Variants in IL1RN observed in about 807,000 individuals in gnomAD.
The protein encoded by IL1RN is interleukin 1 receptor antagonist, also known as interleukin-1 receptor antagonist protein.
In IL1RN, 10 loss-of-function variants were observed where a neutral mutation model predicts 13.7. That is an observed-to-expected ratio of 0.73 (90% CI 0.45 to 1.24). The LOEUF is 1.24. IL1RN is among the 50% of genes most tolerant of loss of function. IL1RN has a pLI of 0.00. For synonymous variants in IL1RN, 102 were observed against 82.7 expected (o/e 1.23, Z -1.27); for missense variants, 213 against 222.1 (o/e 0.96, Z 0.26).
upstream of IL1RN, among the ~76,000 whole-genome samples, chr2:113,125,095 G>T (rs1686910299): frequency 6.6e-6 from 1 of 152,184 alleles, no homozygotes; most frequent in African/African-American, 2.4e-5. Context: ...AATCTGTAAG[G>T]ACATTGTTGA....
upstream of IL1RN, among the ~76,000 whole-genome samples, chr2:113,106,248 C>T (rs1686384788): frequency 6.6e-6 from 1 of 152,018 alleles, no homozygotes; most frequent in African/African-American, 2.4e-5. Context: ...AGAGGCTAAA[C>T]AAGGGAATGA....
upstream of IL1RN, among the ~76,000 whole-genome samples, chr2:113,123,065 C>G (rs7587279): frequency 1.3e-5 from 2 of 152,116 alleles, no homozygotes; most frequent in South Asian, 2.1e-4. Flanking sequence ...GCGGAGGTTG[C>G]GGTGAGCCTA....
At position 113,129,670 on chromosome 2, in the gene IL1RN, T is replaced by C. The variant is rs951739159; in HGVS notation, c.205+6T>C. 1 of 1,599,264 alleles carries C rather than the reference T, an allele frequency of 6.3e-7. No homozygotes were observed. The highest frequency in any genetic ancestry group is 8.6e-7 in the Non-Finnish European group (1 of 1,166,282). ...ACCAAATGTCAATTTAGAAGGTGAGTGGTTGCCAGGAAAGCCAATGTATGT... is the reference window on the plus strand; with the variant it reads ...ACCAAATGTCAATTTAGAAGGTGAGCGGTTGCCAGGAAAGCCAATGTATGT... On this transcript the variant is annotated splice_donor_region_variant and intron_variant, in intron 2 of 3. Coordinates refer to ENST00000409930, the MANE Select transcript of IL1RN (RefSeq NM_173842.3).
chr2:113,109,411 TAAAA>T (rs35727625), upstream of IL1RN, among the ~76,000 whole-genome samples: 5 of 133,096 alleles, frequency 3.8e-5, no homozygotes, highest in Admixed American at 7.6e-5. Flanking sequence ...AAACGCCATC[TAAAA>T]AAAAAAAAAA....
upstream of IL1RN, among the ~76,000 whole-genome samples, chr2:113,114,905 G>A (rs1238743530): frequency 6.6e-6 from 1 of 152,130 alleles, no homozygotes; most frequent in African/African-American, 2.4e-5. Context: ...GAGCAGGGGA[G>A]GGAAGGGTGT....
chr2:113,127,621 C>T lies in IL1RN; in HGVS notation c.-4C>T. 3.7e-6 allele frequency: 6 copies of T among 1,613,882 alleles called. No homozygotes were observed. The highest frequency in any genetic ancestry group is 5.1e-6 in the Non-Finnish European group (6 of 1,179,926). On this transcript the variant is annotated 5_prime_UTR_variant, in exon 1 of 4. Coordinates refer to ENST00000409930, the MANE Select transcript of IL1RN (RefSeq NM_173842.3). ...GCAGTCCACTGCCTTGCTGCAGTCA[C>T]AGAATGGAAATCTGCAGAGGCCTCC... is the stretch of plus-strand genomic sequence containing the variant.
upstream of IL1RN, among the ~76,000 whole-genome samples, chr2:113,117,093 A>G (rs935282578): frequency 6.6e-6 from 1 of 152,248 alleles, no homozygotes; most frequent in South Asian, 2.1e-4. Context: ...ATGCAGAGAC[A>G]TGAAGCTACA....
At chr2:113,109,743 C>G (rs1166265214), upstream of IL1RN, among the ~76,000 whole-genome samples, 1 of 148,038 alleles carries the variant, frequency 6.8e-6, no homozygotes, top group Non-Finnish European at 1.5e-5. Context: ...ATGTATGACA[C>G]TTCTAAACTA....
chr2:113,131,051 T>G lies in IL1RN; in HGVS notation c.212T>G (p.Ile71Arg). Residue 71 changes from isoleucine (I) to arginine (R), a missense_variant, in exon 3 of 4, where the codon ATA becomes AGA. Transcript: ENST00000409930. ...CCCCTCTGTTCTTCCCCAGAAAAGA[T>G]AGATGTGGTACCCATTGAGCCTCAT... Reference protein sequence around the residue: ...QGPNVNLEEKIDVVPIEPHAL... With the variant: ...QGPNVNLEEKRDVVPIEPHAL... The G allele has an allele frequency of 6.2e-7, 1 of 1,602,214 alleles. No homozygotes were observed. The highest frequency in any genetic ancestry group is 2.2e-5 in the East Asian group (1 of 44,820).
At chr2:113,121,885 G>A (rs1199982036) in intron 2 of IL1RN, among the ~76,000 whole-genome samples, 3 of 152,322 alleles carry the variant, frequency 2.0e-5, no homozygotes, top group South Asian at 2.1e-4. Context: ...GGTCAGTGAG[G>A]ACCAACAAAA....
At chr2:113,110,080 G>C (rs1686469592), upstream of IL1RN, among the ~76,000 whole-genome samples, 1 of 152,190 alleles carries the variant, frequency 6.6e-6, no homozygotes, top group Admixed American at 6.5e-5. Context: ...AACGTGTTTA[G>C]ATAGATCTGG....
At chr2:113,127,763 A>C in intron 1 of IL1RN, 23 bp downstream of exon 1, 1 of 1,611,314 alleles carries the variant, frequency 6.2e-7, no homozygotes, top group African/African-American at 1.3e-5. Context: ...CAAGGAGGAG[A>C]AGGTGAGGGT....
the IL1RN span, among the ~76,000 whole-genome samples, chr2:113,100,973 G>A: frequency 6.6e-6 from 1 of 152,138 alleles, no homozygotes; most frequent in East Asian, 1.9e-4. Context: ...TATATACATG[G>A]GAGACACCCA....
At chr2:113,109,968 T>A (rs1448601509), upstream of IL1RN, among the ~76,000 whole-genome samples, 1 of 152,170 alleles carries the variant, frequency 6.6e-6, no homozygotes, top group Admixed American at 6.5e-5. Flanking sequence ...TGACTCTGCT[T>A]CCTGCTGATT....
chr2:113,111,759 C>T (rs1416242638), intron 1 of IL1RN, among the ~76,000 whole-genome samples: 4 of 152,264 alleles, frequency 2.6e-5, no homozygotes, highest in Non-Finnish European at 5.9e-5. Context: ...CCATTAAATG[C>T]CTCACATGAT....
intron 1 of IL1RN, among the ~76,000 whole-genome samples, chr2:113,119,781 A>G (rs1223500019): frequency 6.6e-6 from 1 of 152,214 alleles, no homozygotes; most frequent in East Asian, 1.9e-4. Flanking sequence ...AAAGTGCAAT[A>G]AGCTTAGTGA....
chr2:113,129,865 A>T, intron 2 of IL1RN: 1 of 587,872 alleles, frequency 1.7e-6, no homozygotes, highest in South Asian at 1.8e-5. Flanking sequence ...GTGGAGAGGT[A>T]GAGTCTAGGT....
At chr2:113,109,558 G>A (rs775685397), upstream of IL1RN, among the ~76,000 whole-genome samples, 9 of 152,010 alleles carry the variant, frequency 5.9e-5, no homozygotes, top group Non-Finnish European at 1.3e-4. Context: ...CCAGGACACA[G>A]TCCTAAAATA....
chr2:113,124,821 C>G (rs1002419596), upstream of IL1RN, among the ~76,000 whole-genome samples: 3 of 152,100 alleles, frequency 2.0e-5, no homozygotes, highest in African/African-American at 7.2e-5. Context: ...AGGGACCACC[C>G]CCACCCTCAC....
Sources: allele counts gnomAD v4.1 joint callset (sites outside exome capture counted in the v4.1 genomes callset), GRCh38; gene constraint gnomAD v4.1.1; transcripts MANE v1.5; gene names NCBI Gene and HGNC (gene_info 2026-07-23, HGNC 2026-07-21).